The following ZPBP variants were observed in gnomAD, a reference collection of about 807,000 sequenced individuals.
The protein encoded by ZPBP is zona pellucida binding protein.
ZPBP carries 26 observed loss-of-function variants against 44.8 expected under a neutral mutation model. The observed-to-expected ratio is 0.58, with a 90% CI of 0.43 to 0.81. ZPBP has a LOEUF of 0.81. Among genes scored for constraint, ZPBP ranks in the 30% least tolerant of loss-of-function variants. The pLI is 0.00. For missense variants in ZPBP, 409 were observed against 434.0 expected (o/e 0.94, Z 0.51); for synonymous variants, 174 against 153.2 (o/e 1.14, Z -1.00).
chr7:50,051,501 C>A (rs532161258), intron 4 of ZPBP, among the ~76,000 whole-genome samples: 1 of 152,146 alleles, frequency 6.6e-6, no homozygotes, highest in South Asian at 2.1e-4. Context: ...CATTGAAGCA[C>A]TATTCATTGA....
chr7:50,053,901 G>A (rs1001008479), intron 4 of ZPBP, among the ~76,000 whole-genome samples: 1 of 151,404 alleles, frequency 6.6e-6, no homozygotes, highest in African/African-American at 2.4e-5. Context: ...CTTCTTTTTT[G>A]CTGTCTAAGG....
chr7:49,934,435 A>G (rs920076404), downstream of ZPBP, among the ~76,000 whole-genome samples: 7 of 93,318 alleles, frequency 7.5e-5, no homozygotes, highest in Middle Eastern at 4.8e-3. Flanking sequence ...AAATTTGGAA[A>G]ACAGAGGGTA....
chr7:50,067,358 G>A (rs866283943), intron 3 of ZPBP, among the ~76,000 whole-genome samples: 7 of 149,710 alleles, frequency 4.7e-5, no homozygotes, highest in Admixed American at 2.0e-4. Flanking sequence ...TTTTTCCTTC[G>A]TAAATAGCCT....
At chr7:50,014,521 G>A (rs1798732976) in intron 6 of ZPBP, among the ~76,000 whole-genome samples, 1 of 144,984 alleles carries the variant, frequency 6.9e-6, no homozygotes, top group Non-Finnish European at 1.5e-5. Flanking sequence ...CTGGAGTGCA[G>A]TGGTGTGATC....
chr7:50,065,593 T>C (rs2366028), intron 3 of ZPBP, among the ~76,000 whole-genome samples: 123,351 of 150,292 alleles, frequency 0.82, 51,568 homozygotes, highest in East Asian at 0.88. Context: ...CTGGGTTAGG[T>C]GAAGTGAAGT....
intron 2 of ZPBP, among the ~76,000 whole-genome samples, chr7:49,876,899 T>C (rs1299978119): frequency 6.6e-6 from 1 of 152,094 alleles, no homozygotes; most frequent in Non-Finnish European, 1.5e-5. Context: ...TCTAAATTTA[T>C]CAGTGGGATC....
chr7:49,873,162 A>G lies in ZPBP; in HGVS notation n.510-22648T>C, dbSNP rs188064864. Among the ~76,000 whole-genome samples the G allele has an allele frequency of 1.4e-4, 21 of 152,246 alleles. No individual in the cohort carries two copies. In the East Asian group the frequency reaches 3.9e-3, roughly 28 times the overall value. The stretch of plus-strand genomic sequence containing the variant: ...AGAAAAAAGAAATTTGAGAGTAACA[A>G]TTTGTCTTGGTCTGTTCGGGCTGCT... On this transcript the variant is annotated intron_variant and non_coding_transcript_variant, in intron 2 of 2. Coordinates refer to the ZPBP transcript ENST00000465922.
intron 3 of ZPBP, among the ~76,000 whole-genome samples, chr7:50,066,104 G>C (rs891742129): frequency 1.3e-5 from 2 of 150,914 alleles, no homozygotes; most frequent in African/African-American, 4.9e-5. Context: ...GTTTAGGGCT[G>C]CTGCTGCTTA....
At chr7:50,087,300 A>C (rs1194379801) in intron 2 of ZPBP, among the ~76,000 whole-genome samples, 1 of 152,034 alleles carries the variant, frequency 6.6e-6, no homozygotes, top group Non-Finnish European at 1.5e-5. Flanking sequence ...CTAGCAACAT[A>C]AGAAAGGATT....
intron 2 of ZPBP, among the ~76,000 whole-genome samples, chr7:50,083,186 T>C (rs1450959652): frequency 1.3e-5 from 2 of 151,728 alleles, no homozygotes; most frequent in Admixed American, 6.6e-5. Flanking sequence ...TATAAATGAA[T>C]CCAGAAGAGT....
intron 4 of ZPBP, among the ~76,000 whole-genome samples, chr7:50,046,906 C>A (rs1441944120): frequency 6.6e-6 from 1 of 152,096 alleles, no homozygotes; most frequent in Non-Finnish European, 1.5e-5. Flanking sequence ...AAATGACCAT[C>A]AATGATAGGC....
At chr7:49,896,768 A>G (rs1262287452) in intron 2 of ZPBP, among the ~76,000 whole-genome samples, 1 of 152,230 alleles carries the variant, frequency 6.6e-6, no homozygotes, top group Non-Finnish European at 1.5e-5. Flanking sequence ...CTCTATGCAC[A>G]TAAATTTAAC....
chr7:50,077,692 G>A lies in ZPBP; in HGVS notation c.334+4082C>T, dbSNP rs768227049. Among the ~76,000 whole-genome samples the A allele has an allele frequency of 2.6e-5, 4 of 151,796 alleles. No individual in the cohort carries two copies. The East Asian group carries it at 5.8e-4, about 22-fold the overall frequency. Reference sequence around the variant, plus strand: ...AGAAATGCAAATCAAAACTACAAGAGGTATCATCTCACCAGTTAAAATGGC... The same window carrying A: ...AGAAATGCAAATCAAAACTACAAGAAGTATCATCTCACCAGTTAAAATGGC... On this transcript the variant is annotated intron_variant, in intron 3 of 7. Coordinates refer to ENST00000046087, the MANE Select transcript of ZPBP (RefSeq NM_007009.3).
Position 50,061,690 on chromosome 7 carries a change from T to C in ZPBP, c.335-3549A>G, listed in dbSNP as rs142567791. ...CTTGAACAAACACTGCCACTTTAAG[T>C]TCCAGCTCTCTTTCTAGCCTGATGC... On this transcript the variant is annotated intron_variant, in intron 3 of 7. Coordinates refer to ENST00000046087, the MANE Select transcript of ZPBP (RefSeq NM_007009.3). Among the ~76,000 whole-genome samples, 48 of 152,304 alleles carry C rather than the reference T, an allele frequency of 3.2e-4. No individual in the cohort carries two copies. The East Asian group carries it at 8.9e-3, about 28-fold the overall frequency.
At chr7:50,034,826 T>C (rs1174077713) in intron 4 of ZPBP, among the ~76,000 whole-genome samples, 1 of 152,146 alleles carries the variant, frequency 6.6e-6, no homozygotes, top group African/African-American at 2.4e-5. Flanking sequence ...CTAATCCAAA[T>C]CTCCCCAAAG....
Position 50,048,158 on chromosome 7 carries a change from A to C in ZPBP, c.487+9831T>G, listed in dbSNP as rs184443686. ...AAAACAGACTTTAAAACAACAACGA[A>C]AAGTTACTAAAGAAAAAAGGGACTT... On this transcript the variant is annotated intron_variant, in intron 4 of 7. Coordinates refer to ENST00000046087, the MANE Select transcript of ZPBP (RefSeq NM_007009.3). 1.1e-4 allele frequency among the ~76,000 whole-genome samples: 17 copies of C among 152,258 alleles called. No individual in the cohort carries two copies. In the East Asian group the frequency reaches 3.3e-3, roughly 29 times the overall value.
At chr7:49,980,677 G>A (rs1306499547) in intron 7 of ZPBP, among the ~76,000 whole-genome samples, 2 of 151,956 alleles carry the variant, frequency 1.3e-5, no homozygotes, top group Admixed American at 1.3e-4. Flanking sequence ...GGAACTAACA[G>A]AATTAGAACT....
chr7:50,047,267 C>T (rs1259479947), intron 4 of ZPBP, among the ~76,000 whole-genome samples: 2 of 151,918 alleles, frequency 1.3e-5, no homozygotes, highest in East Asian at 1.9e-4. Flanking sequence ...ACATGTTCTA[C>T]ACATGTATCC....
chr7:50,009,182 A>G (rs992346956), intron 6 of ZPBP, among the ~76,000 whole-genome samples: 10 of 148,240 alleles, frequency 6.7e-5, no homozygotes, highest in Non-Finnish European at 4.4e-5. Flanking sequence ...GGTTGCAGTG[A>G]GCCAAGATTG....
Sources: allele counts gnomAD v4.1 joint callset (sites outside exome capture counted in the v4.1 genomes callset), GRCh38; gene constraint gnomAD v4.1.1; transcripts MANE v1.5; gene names NCBI Gene and HGNC (gene_info 2026-07-23, HGNC 2026-07-21).